Variants in TBC1D1 observed in about 807,000 individuals in gnomAD.
TBC1D1 encodes the protein TBC1 (tre-2/USP6, BUB2, cdc16) domain family, member 1.
Under a neutral mutation model 125.6 loss-of-function variants are expected in TBC1D1, and 89 were observed. The ratio of observed to expected loss-of-function variants is 0.71; its 90% CI spans 0.60 to 0.85. TBC1D1 has a LOEUF of 0.85. TBC1D1 is among the 40% of genes least tolerant of loss of function. TBC1D1 has a pLI of 0.00. For synonymous variants in TBC1D1, 565 were observed against 564.1 expected (o/e 1.00, Z -0.02); for missense variants, 1,377 against 1,469.2 (o/e 0.94, Z 1.03).
chr4:37,951,908 TATGTACTTTTACC>T, intron 2 of TBC1D1: 1 of 711,424 alleles, frequency 1.4e-6, no homozygotes, highest in East Asian at 2.7e-5. Context: ...TGATAATGGG[TATGTACTTTTACC>T]ATGTCCCTCC....
intron 2 of TBC1D1, among the ~76,000 whole-genome samples, chr4:37,981,550 C>T (rs12498823): frequency 0.094 from 14,326 of 152,072 alleles, 808 homozygotes; most frequent in Middle Eastern, 0.2. Flanking sequence ...GTGATCAGTG[C>T]GAGGAAGAGA....
chr4:37,899,582 T>C (rs186589842), intron 1 of TBC1D1, among the ~76,000 whole-genome samples: 1 of 151,718 alleles, frequency 6.6e-6, no homozygotes, highest in Non-Finnish European at 1.5e-5. Flanking sequence ...CTCTAGCGGA[T>C]AAATGTTACA....
chr4:38,040,033 A>T (rs1748044716), intron 8 of TBC1D1, among the ~76,000 whole-genome samples: 1 of 152,306 alleles, frequency 6.6e-6, no homozygotes, highest in South Asian at 2.1e-4. Context: ...TTTAAGATAA[A>T]TAAGAAACAA....
intron 2 of TBC1D1, chr4:37,952,007 G>C: frequency 1.4e-6 from 1 of 717,668 alleles, no homozygotes; most frequent in South Asian, 1.5e-5. Context: ...GTATTACAGT[G>C]CTCATCATCA....
At chr4:38,114,965 C>G (rs537058549) in intron 15 of TBC1D1, among the ~76,000 whole-genome samples, 3 of 152,004 alleles carry the variant, frequency 2.0e-5, no homozygotes, top group Admixed American at 2.0e-4. Flanking sequence ...TGTAGTAAGG[C>G]GAGGCCTTTT....
intron 2 of TBC1D1, among the ~76,000 whole-genome samples, chr4:38,001,551 A>C (rs1739089298): frequency 6.6e-6 from 1 of 152,218 alleles, no homozygotes; most frequent in Non-Finnish European, 1.5e-5. Context: ...TCCCTCTGGC[A>C]ACCAGTGCCA....
chr4:37,900,588 T>C (rs1016966849), intron 1 of TBC1D1, among the ~76,000 whole-genome samples: 1 of 152,086 alleles, frequency 6.6e-6, no homozygotes, highest in Admixed American at 6.5e-5. Flanking sequence ...GAGTTTCACC[T>C]TAGCATCTGT....
intron 2 of TBC1D1, among the ~76,000 whole-genome samples, chr4:37,919,007 A>G (rs1577848881): frequency 6.6e-6 from 1 of 152,134 alleles, no homozygotes; most frequent in South Asian, 2.1e-4. Context: ...TCCTTATAAT[A>G]TAATACCAAC....
chr4:37,974,336 T>A (rs1732629094), intron 2 of TBC1D1, among the ~76,000 whole-genome samples: 1 of 151,838 alleles, frequency 6.6e-6, no homozygotes. Context: ...GCTCAAATGA[T>A]CTTCCCACCT....
intron 12 of TBC1D1, among the ~76,000 whole-genome samples, chr4:38,073,158 T>C (rs1300166527): frequency 6.6e-6 from 1 of 152,244 alleles, no homozygotes; most frequent in African/African-American, 2.4e-5. Flanking sequence ...GTTTGCTGGA[T>C]CGATCATAGT....
chr4:38,045,683 C>T (rs561617897), intron 9 of TBC1D1, 134 bp from the exon 10 acceptor site: 2 of 632,952 alleles, frequency 3.2e-6, no homozygotes, highest in Admixed American at 2.7e-5. Context: ...TTTTAATGTA[C>T]AAATATCCTT....
At chr4:37,952,215 G>A (rs955943888) in intron 2 of TBC1D1, 2 of 618,394 alleles carry the variant, frequency 3.2e-6, no homozygotes, top group South Asian at 1.9e-5. Context: ...TGGAAGTTTT[G>A]TTGTGATCTT....
Position 38,054,262 on chromosome 4 carries a change from G to A in TBC1D1, c.1974G>A (p.Arg658=), listed in dbSNP as rs1173777603. ...GTGGGACTCCTGTGAAGACCCGGAGGCATTCCTGGAGGCAGCAGATATTCC... is the reference window on the plus strand; with the variant it reads ...GTGGGACTCCTGTGAAGACCCGGAGACATTCCTGGAGGCAGCAGATATTCC... The change falls in exon 12 of 20, where the codon AGG becomes AGA. Residue 658 remains arginine (R), a synonymous_variant. Coordinates refer to ENST00000261439, the MANE Select transcript of TBC1D1 (RefSeq NM_015173.4). The A allele has an allele frequency of 4.3e-6, 7 of 1,614,176 alleles. No homozygotes were observed. In the Admixed American group the frequency reaches 1.2e-4, roughly 27 times the overall value.
intron 12 of TBC1D1, 86 bp downstream of exon 14, chr4:38,054,424 A>G (rs4832748): frequency 0.16 from 249,218 of 1,562,690 alleles, 22,559 homozygotes; most frequent in East Asian, 0.4. Flanking sequence ...AAGAAAGCAG[A>G]GCGCCGTCCT....
chr4:38,103,852 A>G (rs934623575), intron 15 of TBC1D1, among the ~76,000 whole-genome samples: 1 of 152,116 alleles, frequency 6.6e-6, no homozygotes, highest in East Asian at 1.9e-4. Flanking sequence ...TAATCTAGAG[A>G]TGATTTAAGG....
At chr4:37,921,511 ATTC>A (rs1375581483) in intron 2 of TBC1D1, among the ~76,000 whole-genome samples, 2 of 151,454 alleles carry the variant, frequency 1.3e-5, no homozygotes, top group African/African-American at 4.9e-5. Flanking sequence ...GGTTCAAGCA[ATTC>A]TTCTACCTCA....
intron 16 of TBC1D1, among the ~76,000 whole-genome samples, chr4:38,116,716 G>A (rs1266274858): frequency 6.6e-6 from 1 of 152,190 alleles, no homozygotes; most frequent in Non-Finnish European, 1.5e-5. Flanking sequence ...ACCACGTGCT[G>A]CTCTTGCTGC....
Position 38,133,268 on chromosome 4 carries a change from T to C in TBC1D1, c.3306+11T>C. 6.2e-7 allele frequency: 1 copy of C among 1,605,598 alleles called. No individual in the cohort carries two copies. Among genetic ancestry groups the C allele is most frequent in the Non-Finnish European group, 8.5e-7 (1 of 1,176,982 alleles). On this transcript the variant is annotated intron_variant, in intron 19 of 19. Coordinates refer to ENST00000261439, the MANE Select transcript of TBC1D1 (RefSeq NM_015173.4). The stretch of plus-strand genomic sequence containing the variant: ...CTTGAACAGTTGCAGGTAGAGCATA[T>C]TTATAAAGCAGCTTCCTGAATCACA...
At chr4:37,971,352 A>G (rs1180565997) in intron 2 of TBC1D1, among the ~76,000 whole-genome samples, 1 of 152,210 alleles carries the variant, frequency 6.6e-6, no homozygotes, top group East Asian at 1.9e-4. Flanking sequence ...GGAGGCCTCA[A>G]AATCATGGTA....
Sources: allele counts gnomAD v4.1 joint callset (sites outside exome capture counted in the v4.1 genomes callset), GRCh38; gene constraint gnomAD v4.1.1; transcripts MANE v1.5; gene names NCBI Gene and HGNC (gene_info 2026-07-23, HGNC 2026-07-21).